ITGAE: variants seen among roughly 807,000 people sequenced by gnomAD.
ITGAE encodes integrin alpha-E.
A neutral mutation model predicts 136.5 loss-of-function variants in ITGAE; 99 were observed. The observed-to-expected ratio is 0.73, with a 90% CI of 0.62 to 0.86. The LOEUF is 0.86. Among genes scored for constraint, ITGAE ranks in the 40% least tolerant of loss-of-function variants. ITGAE has a pLI of 0.00. For synonymous variants in ITGAE, 613 were observed against 591.8 expected (o/e 1.04, Z -0.52); for missense variants, 1,447 against 1,515.3 (o/e 0.95, Z 0.75).
At chr17:3,755,077 AT>A (rs1276798051) in intron 12 of ITGAE, 39 bp downstream of exon 12, 1 of 1,482,240 alleles carries the variant, frequency 6.7e-7, no homozygotes, top group Non-Finnish European at 8.9e-7. Flanking sequence ...CCCCGCCCTC[AT>A]CAGGTGGCCC....
chr17:3,795,780 T>G lies in ITGAE; in HGVS notation c.34+5331A>C, dbSNP rs545462952. On this transcript the variant is annotated intron_variant, in intron 1 of 30. Transcript: ENST00000263087. ...GCATGAGACTGTGTACGTGCGTGTG[T>G]GCATGTGTGTGCATCCGTGTGTGCT... Among the ~76,000 whole-genome samples, 5 of 152,090 alleles carry G rather than the reference T, an allele frequency of 3.3e-5. No individual in the cohort carries two copies. The East Asian group carries it at 7.7e-4, about 24-fold the overall frequency.
intron 19 of ITGAE, among the ~76,000 whole-genome samples, chr17:3,743,002 C>T (rs1248614834): frequency 6.6e-6 from 1 of 152,250 alleles, no homozygotes; most frequent in African/African-American, 2.4e-5. Flanking sequence ...CACTGATGGG[C>T]ACCAGGAGGA....
rs149094012 is a variant in ITGAE at position 3,800,832 on chromosome 17, G to A, written c.34+279C>T. 4.9e-3 allele frequency among the ~76,000 whole-genome samples: 751 copies of A among 152,280 alleles called. 9 individuals are homozygous for A. Among genetic ancestry groups the A allele is most frequent in the African/African-American group, 0.016 (673 of 41,552 alleles). On this transcript the variant is annotated intron_variant, in intron 1 of 30. Transcript: ENST00000263087. ...GCCATGGGGAGAGGGCCTCGGTGGC[G>A]GGGGGAGGCTGGCTGGAGGAGGAAC...
intron 18 of ITGAE, 119 bp downstream of exon 18, chr17:3,745,645 T>TA (rs2051694536): frequency 8.7e-6 from 9 of 1,032,612 alleles, no homozygotes; most frequent in Non-Finnish European, 1.3e-5. Flanking sequence ...CCTGGCCTGT[T>TA]ATGATTATTT....
chr17:3,756,859 T>C (rs1411290952), intron 10 of ITGAE, 125 bp downstream of exon 10: 1 of 1,050,762 alleles, frequency 9.5e-7, no homozygotes, highest in Non-Finnish European at 1.4e-6. Context: ...TTTTTAGACA[T>C]GGAAGAGCTG....
Position 3,753,296 on chromosome 17 carries a change from G to T in ITGAE, c.1662C>A (p.Ser554Arg). The stretch of plus-strand genomic sequence containing the variant: ...AAGATGGAGACTCTCCCACCTGCTC[G>T]CTGAGACGGTACACGTAGACTCTGC... ...EEGRVYVYRL[S>R]EQDGSFSLAR... Residue 554 changes from serine (S) to arginine (R), a missense_variant, in exon 14 of 31, where the codon AGC becomes AGA. Transcript: ENST00000263087. 1 of 1,613,542 alleles carries T rather than the reference G, an allele frequency of 6.2e-7. No individual in the cohort carries two copies. The highest frequency in any genetic ancestry group is 8.5e-7 in the Non-Finnish European group (1 of 1,179,676).
At chr17:3,715,980 C>T (rs1426582524) in intron 30 of ITGAE, among the ~76,000 whole-genome samples, 1 of 152,048 alleles carries the variant, frequency 6.6e-6, no homozygotes. Context: ...TATGGTGAAA[C>T]CCCGTCTCTA....
intron 19 of ITGAE, 65 bp from the exon 20 acceptor site, chr17:3,739,943 C>T: frequency 7.5e-7 from 1 of 1,330,734 alleles, no homozygotes; most frequent in Non-Finnish European, 1.1e-6. Context: ...CTGCCTCCGG[C>T]TCTTCTCCTT....
intron 19 of ITGAE, among the ~76,000 whole-genome samples, chr17:3,742,213 G>A (rs1471923293): frequency 6.6e-6 from 1 of 152,200 alleles, no homozygotes; most frequent in African/African-American, 2.4e-5. Context: ...AAGACTGAGT[G>A]AGAAACCCTT....
At chr17:3,764,776 G>A (rs982296363) in intron 2 of ITGAE, among the ~76,000 whole-genome samples, 2 of 152,178 alleles carry the variant, frequency 1.3e-5, no homozygotes, top group Non-Finnish European at 1.5e-5. Context: ...CAAGAGCTGC[G>A]CCTCCTGACT....
chr17:3,784,089 T>C (rs1191890252), intron 1 of ITGAE, among the ~76,000 whole-genome samples: 1 of 151,856 alleles, frequency 6.6e-6, no homozygotes, highest in African/African-American at 2.4e-5. Context: ...TGAAACCCCG[T>C]CTCTACTAAA....
Position 3,739,812 on chromosome 17 carries a change from C to T in ITGAE, c.2515G>A (p.Val839Ile), listed in dbSNP as rs768639646. Residue 839 changes from valine (V) to isoleucine (I), a missense_variant, in exon 20 of 31, where the codon GTC becomes ATC. Val to Ile is a conservative substitution (Grantham distance 29). This residue lies in a region of ITGAE where 1,031 missense variants were observed against 1,011.4 expected (regional missense o/e 1.02). Coordinates refer to ENST00000263087, the MANE Select transcript of ITGAE (RefSeq NM_002208.5). ...CVAELQLATT[V>I]SQQELVVGLT... ...CGGCTATGTCCAACTCACTGAGAGA[C>T]GGTGGTGGCCAACTGTAATTCTGCG... 28 of 1,613,986 alleles carry T rather than the reference C, an allele frequency of 1.7e-5. No individual in the cohort carries two copies. The highest frequency in any genetic ancestry group is 1.6e-4 in the Middle Eastern group (1 of 6,062).
In ITGAE at chr17:3,761,311, C is replaced by G. The variant is rs1318176924; in HGVS notation, c.433+92G>C. On this transcript the variant is annotated intron_variant, in intron 5 of 30. Transcript: ENST00000263087. ...GCCTTGCTCCACTGTGGGCCTGCGT[C>G]CCACTGCATCTGCCGTGAGCTGGTG... 2.6e-6 allele frequency: 4 copies of G among 1,544,812 alleles called. No homozygotes were observed. In the Admixed American group the frequency reaches 7.5e-5, roughly 29 times the overall value.
At chr17:3,744,617 G>A (rs1597324128) in intron 18 of ITGAE, among the ~76,000 whole-genome samples, 1 of 151,844 alleles carries the variant, frequency 6.6e-6, no homozygotes, top group Middle Eastern at 3.4e-3. Flanking sequence ...GCTAATTTTT[G>A]TATTTTTTTT....
chr17:3,785,861 T>C (rs1254365759), intron 1 of ITGAE, among the ~76,000 whole-genome samples: 1 of 150,902 alleles, frequency 6.6e-6, no homozygotes, highest in Non-Finnish European at 1.5e-5. Flanking sequence ...TCATAATAGA[T>C]CCTAAGACAT....
Position 3,755,098 on chromosome 17 carries a change from C to G in ITGAE, c.1384+19G>C, listed in dbSNP as rs754830279. 1 of 1,573,710 alleles carries G rather than the reference C, an allele frequency of 6.4e-7. No homozygotes were observed. The highest frequency in any genetic ancestry group is 8.6e-7 in the Non-Finnish European group (1 of 1,163,650). On this transcript the variant is annotated intron_variant, in intron 12 of 30. Transcript: ENST00000263087. ...CCTCATCAGGTGGCCCCGCCCTCAT[C>G]AGGTGGCCCCGCCCTCACCCAGGTA...
In ITGAE at chr17:3,799,604, GCCCCA is replaced by G. The variant is rs1223115433; in HGVS notation, c.34+1502_34+1506del. 1.3e-5 allele frequency among the ~76,000 whole-genome samples: 2 copies of G among 152,018 alleles called. No individual in the cohort carries two copies. The highest frequency in any genetic ancestry group is 4.8e-5 in the African/African-American group (2 of 41,374). The stretch of plus-strand genomic sequence containing the variant: ...CCTGGGTAGTCACTGCCCGCTCTGT[GCCCCA>G]GTCACCTCCTCTGTACTGGGAGAGG... On this transcript the variant is annotated intron_variant, in intron 1 of 30. Transcript: ENST00000263087. The surrounding 1 kb of genome is among the most constrained non-coding windows in gnomAD (Gnocchi z 4.1).
chr17:3,787,334 A>G (rs1364800287), intron 1 of ITGAE, among the ~76,000 whole-genome samples: 2 of 149,976 alleles, frequency 1.3e-5, no homozygotes, highest in Non-Finnish European at 3.0e-5. Flanking sequence ...CTGGTCTTGA[A>G]CTCCTGACCT....
In ITGAE at chr17:3,753,882, G is replaced by A. The variant is rs2051934716; in HGVS notation, c.1428C>T (p.Tyr476=). 4 of 1,614,008 alleles carry A rather than the reference G, an allele frequency of 2.5e-6. No homozygotes were observed. The highest frequency in any genetic ancestry group is 2.7e-5 in the African/African-American group (2 of 74,928). Residue 476 remains tyrosine, a synonymous_variant, in exon 13 of 31, where the codon TAC becomes TAT. Coordinates refer to ENST00000263087, the MANE Select transcript of ITGAE (RefSeq NM_002208.5). Reference sequence around the variant, plus strand: ...GTTTGTACCGTGGAGCCCCCGCGATGTAGGAGAGGCTGCAGGTCTTGTGCA... The same window carrying A: ...GTTTGTACCGTGGAGCCCCCGCGATATAGGAGAGGCTGCAGGTCTTGTGCA... ...AVLHKTCSLS[Y]IAGAPRYKHH... is the part of the protein sequence containing the mutation.
Sources: allele counts gnomAD v4.1 joint callset (sites outside exome capture counted in the v4.1 genomes callset), GRCh38; gene constraint gnomAD v4.1.1; regional missense constraint gnomAD v4.1.1; non-coding constraint Gnocchi (gnomAD v3.1); transcripts MANE v1.5; gene names NCBI Gene and HGNC (gene_info 2026-07-23, HGNC 2026-07-21).